Variants in CYFIP1 observed in about 807,000 individuals in gnomAD.
The protein encoded by CYFIP1 is cytoplasmic FMR1 interacting protein 1.
CYFIP1 carries 58 observed loss-of-function variants against 163.5 expected under a neutral mutation model. The observed-to-expected ratio is 0.35, with a 90% CI of 0.29 to 0.44. The LOEUF (loss-of-function observed/expected upper bound fraction) is 0.44, where lower values mean the gene tolerates loss of function less well. Ranked by LOEUF, CYFIP1 falls within the 20% of genes least tolerant of loss-of-function variation. The pLI is 1.00. For missense variants in CYFIP1, 1,338 were observed against 1,653.8 expected, an observed-to-expected ratio of 0.81 and a Z score of 3.31; for synonymous variants, 663 against 660.7, an observed-to-expected ratio of 1.00 and a Z score of -0.05.
intron 16 of CYFIP1, 140 bp from the exon 17 acceptor site, chr15:22,915,022 G>A (rs1369926259): frequency 2.5e-6 from 2 of 786,828 alleles, no homozygotes; most frequent in Non-Finnish European, 1.9e-6. Context: ...TGAGTGGGGA[G>A]GGGTCACCGG....
chr15:22,893,259 C>T (rs1465301638), intron 22 of CYFIP1, among the ~76,000 whole-genome samples: 1 of 152,208 alleles, frequency 6.6e-6, no homozygotes. Context: ...TCAGGTAGCT[C>T]GTGGGCTCTG....
chr15:22,906,771 T>C (rs540714496), intron 21 of CYFIP1, among the ~76,000 whole-genome samples: 141 of 151,986 alleles, frequency 9.3e-4, no homozygotes, highest in Non-Finnish European at 1.7e-3. Flanking sequence ...GGCCAGCAAC[T>C]ACTACTTTCT....
At chr15:22,978,003 T>C (rs1336482050) in intron 1 of CYFIP1, among the ~76,000 whole-genome samples, 1 of 152,048 alleles carries the variant, frequency 6.6e-6, no homozygotes, top group African/African-American at 2.4e-5. Context: ...TAAATAACTA[T>C]AATGTCAATC....
chr15:22,960,603 T>C (rs1194355952), intron 1 of CYFIP1, among the ~76,000 whole-genome samples: 1 of 152,210 alleles, frequency 6.6e-6, no homozygotes, highest in Non-Finnish European at 1.5e-5. Flanking sequence ...AGAAAGCAGC[T>C]CTTTCACTGA....
intron 26 of CYFIP1, among the ~76,000 whole-genome samples, chr15:22,877,285 T>C (rs2059613460): frequency 6.6e-6 from 1 of 151,912 alleles, no homozygotes; most frequent in Non-Finnish European, 1.5e-5. Flanking sequence ...CCTTCTCTGT[T>C]CCCCCAGAGC....
Position 22,917,279 on chromosome 15 carries a change from A to G in CYFIP1, c.1674+509T>C. 7.3e-7 allele frequency: 1 copy of G among 1,378,932 alleles called. No homozygotes were observed. The highest frequency in any genetic ancestry group is 9.3e-7 in the Non-Finnish European group (1 of 1,072,680). 85.4% of individuals were successfully genotyped at this position (1,378,932 alleles called of 1,614,324 possible). On this transcript the variant is annotated intron_variant, in intron 15 of 30. Coordinates refer to ENST00000617928, the MANE Select transcript of CYFIP1 (RefSeq NM_014608.6). The surrounding 1 kb of genome is among the most constrained non-coding windows in gnomAD (Gnocchi z 4.2). ...GATGAGGGAGAAGACCAGCCCCAGG[A>G]CGGAGGACAGACGCAGCGGTGTGGA...
At position 22,964,400 on chromosome 15, in the gene CYFIP1, CACA is replaced by C. The variant is rs2062827930; in HGVS notation, c.-7+15884_-7+15886del. On this transcript the variant is annotated intron_variant, in intron 1 of 30. Transcript: ENST00000617928. ...ACACACACACACACACACACACACA[CACA>C]CACACCCGGCAGCCCTGCCAGCAGA... is the stretch of plus-strand genomic sequence containing the variant. Among the ~76,000 whole-genome samples the C allele has an allele frequency of 4.7e-5, 7 of 148,164 alleles. No homozygotes were observed. The South Asian group carries it at 1.5e-3, about 32-fold the overall frequency.
At chr15:22,909,699 A>G (rs573993532) in intron 20 of CYFIP1, among the ~76,000 whole-genome samples, 1 of 152,280 alleles carries the variant, frequency 6.6e-6, no homozygotes, top group East Asian at 1.9e-4. Flanking sequence ...TTGTGTGTGT[A>G]ATGTAACATC....
intron 12 of CYFIP1, among the ~76,000 whole-genome samples, chr15:22,927,206 G>A (rs7169402): frequency 0.013 from 2,047 of 152,088 alleles, 42 homozygotes; most frequent in African/African-American, 0.047. Context: ...TAGGCCAGGT[G>A]CGGTGGCTCA....
intron 23 of CYFIP1, among the ~76,000 whole-genome samples, chr15:22,892,393 G>A (rs1359896265): frequency 1.3e-5 from 2 of 152,112 alleles, no homozygotes; most frequent in East Asian, 1.9e-4. Flanking sequence ...CGGGTGCTCC[G>A]GGTTTCCACC....
chr15:22,880,495 G>C (rs889194987), intron 25 of CYFIP1, among the ~76,000 whole-genome samples: 2 of 152,318 alleles, frequency 1.3e-5, no homozygotes, highest in Admixed American at 6.5e-5. Context: ...CCGCACACCA[G>C]GCCAGCTCCA....
intron 12 of CYFIP1, among the ~76,000 whole-genome samples, 161 bp from the exon 13 acceptor site, chr15:22,926,268 T>C (rs575943209): frequency 1.3e-5 from 2 of 152,206 alleles, no homozygotes; most frequent in Non-Finnish European, 2.9e-5. Context: ...TCTCCACAGA[T>C]GGGCAAAAGA....
chr15:22,963,526 T>TAACATAACATAACATAACATAA (rs1555423928), intron 1 of CYFIP1, among the ~76,000 whole-genome samples: 59 of 145,620 alleles, frequency 4.1e-4, no homozygotes, highest in Non-Finnish European at 7.2e-4. Flanking sequence ...TAACATAACA[T>TAACATAACATAACATAACATAA]AACATAACAT....
At chr15:22,905,835 C>T (rs2060559794) in intron 21 of CYFIP1, among the ~76,000 whole-genome samples, 1 of 151,836 alleles carries the variant, frequency 6.6e-6, no homozygotes, top group African/African-American at 2.4e-5. Flanking sequence ...TCTCGGCTCA[C>T]TGCAACCTCT....
At chr15:22,980,821 C>T (rs552720304), upstream of CYFIP1, among the ~76,000 whole-genome samples, 56 of 152,116 alleles carry the variant, frequency 3.7e-4, no homozygotes, top group South Asian at 1.2e-3. Flanking sequence ...GGGTTCCAGG[C>T]GCGGGTCCCA....
At chr15:22,954,347 CAG>C (rs2062368669) in intron 1 of CYFIP1, among the ~76,000 whole-genome samples, 1 of 152,202 alleles carries the variant, frequency 6.6e-6, no homozygotes, top group Non-Finnish European at 1.5e-5. Context: ...CAAATGAACA[CAG>C]AGCCAAGAAC....
At chr15:22,980,227 G>C (rs2063439292) in intron 1 of CYFIP1, 60 bp downstream of exon 1, 2 of 151,312 alleles carry the variant, frequency 1.3e-5, no homozygotes, top group African/African-American at 2.4e-5. Flanking sequence ...CCCAGGTTCC[G>C]AGGGGGACCC....
At chr15:22,978,431 G>T (rs7402686) in intron 1 of CYFIP1, among the ~76,000 whole-genome samples, 74,719 of 146,596 alleles carry the variant, frequency 0.51, 19,447 homozygotes, top group African/African-American at 0.64. Flanking sequence ...TGTGTGTACA[G>T]ACTATATATA....
intron 18 of CYFIP1, among the ~76,000 whole-genome samples, chr15:22,911,955 A>G (rs1009427650): frequency 1.3e-5 from 2 of 152,246 alleles, no homozygotes; most frequent in African/African-American, 4.8e-5. Context: ...AACCAAAAAT[A>G]GATGAGGACA....
Sources: gnomAD v4.1 joint callset for allele counts (sites outside exome capture counted in the v4.1 genomes callset) on GRCh38, gnomAD v4.1.1 for gene constraint, Gnocchi (gnomAD v3.1) non-coding constraint, MANE v1.5 for transcripts, NCBI Gene and HGNC (gene_info 2026-07-23, HGNC 2026-07-21) for gene names.